SUSD6: variants seen among roughly 807,000 people sequenced by gnomAD.
The protein encoded by SUSD6 is sushi domain-containing protein 6.
Under a neutral mutation model 28.4 loss-of-function variants are expected in SUSD6, and 16 were observed. That is an observed-to-expected ratio of 0.56 (90% confidence interval 0.38 to 0.86). The LOEUF is 0.86. Among genes scored for constraint, SUSD6 ranks in the 40% least tolerant of loss-of-function variants. The pLI, the probability that SUSD6 is intolerant of heterozygous loss-of-function variation, is 0.00. For synonymous variants in SUSD6, 147 were observed against 159.6 expected, an observed-to-expected ratio of 0.92 and a Z score of 0.59; for missense variants, 341 against 384.2, an observed-to-expected ratio of 0.89 and a Z score of 0.94.
chr14:69,668,984 G>A (rs1019571161), intron 2 of SUSD6, among the ~76,000 whole-genome samples: 1 of 149,738 alleles, frequency 6.7e-6, no homozygotes, highest in African/African-American at 2.5e-5. Flanking sequence ...ACAGCTTGCA[G>A]AACCGTGAGC....
intron 4 of SUSD6, 83 bp from the exon 5 acceptor site, chr14:69,708,594 G>A (rs1161251073): frequency 8.4e-7 from 1 of 1,191,602 alleles, no homozygotes; most frequent in African/African-American, 1.5e-5. Context: ...CAAAAATGGT[G>A]GCGGCTGCTA....
chr14:69,682,454 G>A (rs115514692), intron 2 of SUSD6, among the ~76,000 whole-genome samples: 3 of 152,018 alleles, frequency 2.0e-5, no homozygotes, highest in Non-Finnish European at 4.4e-5. Context: ...GTCTCTTCCC[G>A]TGGAACCCAG....
At chr14:69,627,221 T>A (rs1325360839) in intron 1 of SUSD6, among the ~76,000 whole-genome samples, 1 of 152,242 alleles carries the variant, frequency 6.6e-6, no homozygotes, top group Non-Finnish European at 1.5e-5. Flanking sequence ...TAGTCTTGCT[T>A]AAATTAATTC....
intron 2 of SUSD6, among the ~76,000 whole-genome samples, chr14:69,702,973 AAT>A (rs1334743349): frequency 6.6e-6 from 1 of 152,166 alleles, no homozygotes; most frequent in Non-Finnish European, 1.5e-5. Context: ...TTTATTATAC[AAT>A]AGAGTCTTTT....
Position 69,704,835 on chromosome 14 carries a change from CTCTGTGGG to C in SUSD6, c.458+100_458+107del, listed in dbSNP as rs553332992. On this transcript the variant is annotated intron_variant, in intron 4 of 5. Coordinates refer to ENST00000342745, the MANE Select transcript of SUSD6 (RefSeq NM_014734.4). Reference sequence around the variant, plus strand: ...GTGGAGGGTTGCTGGTGGCCCCAATCTCTGTGGGTCTGTGTGTGTCCAGGGAGTGGGGA... The same window carrying C: ...GTGGAGGGTTGCTGGTGGCCCCAATCTCTGTGTGTGTCCAGGGAGTGGGGA... 2,285 of 1,371,270 alleles carry C rather than the reference CTCTGTGGG, an allele frequency of 1.7e-3. 18 individuals are homozygous for C. The highest frequency in any genetic ancestry group is 0.012 in the Middle Eastern group (48 of 4,010). The allele number at this position is 1,371,270 out of a possible 1,614,324, so 84.9% of individuals were successfully genotyped here.
chr14:69,690,012 G>A (rs996482028), intron 2 of SUSD6, among the ~76,000 whole-genome samples: 4 of 152,214 alleles, frequency 2.6e-5, no homozygotes, highest in Non-Finnish European at 5.9e-5. Flanking sequence ...TAAACCTGCT[G>A]TCTGGAGGAC....
At chr14:69,661,850 A>T (rs1885666786) in intron 2 of SUSD6, among the ~76,000 whole-genome samples, 1 of 152,042 alleles carries the variant, frequency 6.6e-6, no homozygotes, top group Non-Finnish European at 1.5e-5. Context: ...GCCAGGCTGG[A>T]GTGCAGTGGT....
chr14:69,665,581 C>G (rs1378112040), intron 2 of SUSD6, among the ~76,000 whole-genome samples: 1 of 152,152 alleles, frequency 6.6e-6, no homozygotes, highest in Non-Finnish European at 1.5e-5. Flanking sequence ...ACAGGATTGT[C>G]CCTAGGATTT....
chr14:69,701,153 T>C (rs1451329801), intron 2 of SUSD6, among the ~76,000 whole-genome samples: 1 of 152,188 alleles, frequency 6.6e-6, no homozygotes, highest in Non-Finnish European at 1.5e-5. Flanking sequence ...AATCAGTAAG[T>C]ATTAGTTGAA....
At chr14:69,649,495 A>G (rs117937765) in intron 1 of SUSD6, among the ~76,000 whole-genome samples, 2 of 152,346 alleles carry the variant, frequency 1.3e-5, no homozygotes, top group East Asian at 3.9e-4. Context: ...TTCAGGATTT[A>G]TATAATCTTT....
intron 2 of SUSD6, among the ~76,000 whole-genome samples, chr14:69,661,031 C>T (rs1301163569): frequency 6.6e-6 from 1 of 152,162 alleles, no homozygotes; most frequent in East Asian, 1.9e-4. Flanking sequence ...GGAAGGAAGG[C>T]CTAGTCAAAA....
intron 5 of SUSD6, 137 bp from the exon 6 acceptor site, chr14:69,710,817 A>G: frequency 2.5e-6 from 2 of 793,660 alleles, no homozygotes; most frequent in African/African-American, 1.7e-5. Context: ...TTGCCTACCT[A>G]GAAGTGTATG....
At chr14:69,701,294 A>G (rs1886309759) in intron 2 of SUSD6, among the ~76,000 whole-genome samples, 1 of 152,064 alleles carries the variant, frequency 6.6e-6, no homozygotes, top group Admixed American at 6.5e-5. Context: ...TTTTATGGAA[A>G]GAGATACCCA....
At chr14:69,649,958 A>G (rs1230324771) in intron 1 of SUSD6, among the ~76,000 whole-genome samples, 2 of 152,230 alleles carry the variant, frequency 1.3e-5, no homozygotes, top group African/African-American at 4.8e-5. Context: ...TAATGAGGTA[A>G]TGAGTGTGTG....
chr14:69,614,255 C>G (rs1212392186), intron 1 of SUSD6, among the ~76,000 whole-genome samples: 1 of 152,132 alleles, frequency 6.6e-6, no homozygotes, highest in Non-Finnish European at 1.5e-5. Flanking sequence ...TTAGTAGAGA[C>G]TTGGTTTTAC....
At chr14:69,697,092 C>T (rs1194921916) in intron 2 of SUSD6, among the ~76,000 whole-genome samples, 1 of 152,174 alleles carries the variant, frequency 6.6e-6, no homozygotes, top group Non-Finnish European at 1.5e-5. Flanking sequence ...CTCCCCTTTT[C>T]AGACCATATA....
At chr14:69,621,206 G>T (rs910508422) in intron 1 of SUSD6, among the ~76,000 whole-genome samples, 4 of 152,196 alleles carry the variant, frequency 2.6e-5, no homozygotes, top group Non-Finnish European at 4.4e-5. Flanking sequence ...TTGACCAGGT[G>T]TAGGGGATTA....
chr14:69,658,738 T>TGTGG, intron 2 of SUSD6, 25 bp downstream of exon 2: 1 of 1,613,700 alleles, frequency 6.2e-7, no homozygotes, highest in Non-Finnish European at 8.5e-7. Flanking sequence ...GCCTTCTGTG[T>TGTGG]GTGGGTGGGA....
chr14:69,684,664 C>G (rs79973618), intron 2 of SUSD6, among the ~76,000 whole-genome samples: 2,101 of 152,350 alleles, frequency 0.014, 15 homozygotes, highest in Non-Finnish European at 0.022. Context: ...GTGGAAACAT[C>G]GTGTCTGTAG....
Sources: allele counts gnomAD v4.1 joint callset (sites outside exome capture counted in the v4.1 genomes callset), GRCh38; gene constraint gnomAD v4.1.1; transcripts MANE v1.5; gene names NCBI Gene and HGNC (gene_info 2026-07-23, HGNC 2026-07-21).